CATSPERB: variants seen among roughly 807,000 people sequenced by gnomAD.
CATSPERB encodes the protein catsper channel auxiliary subunit beta, also known as cation channel sperm-associated auxiliary subunit beta.
Under a neutral mutation model 128.3 loss-of-function variants are expected in CATSPERB, and 93 were observed. The ratio of observed to expected loss-of-function variants is 0.72; its 90% CI spans 0.61 to 0.86. The LOEUF (loss-of-function observed/expected upper bound fraction) is 0.86. Ranked by LOEUF, CATSPERB falls within the 40% of genes least tolerant of loss-of-function variation. The pLI is 0.00. For synonymous variants in CATSPERB, 381 were observed against 448.8 expected (o/e 0.85, Z 1.91); for missense variants, 1,153 against 1,329.5 (o/e 0.87, Z 2.06).
intron 20 of CATSPERB, among the ~76,000 whole-genome samples, chr14:91,612,357 C>T (rs183074187): frequency 6.6e-6 from 1 of 152,212 alleles, no homozygotes; most frequent in East Asian, 1.9e-4. Context: ...CGCTGTGTTG[C>T]CTAGGCTGGT....
chr14:91,587,413 G>A (rs879163098), intron 25 of CATSPERB, 137 bp from the exon 26 acceptor site: 13 of 433,828 alleles, frequency 3.0e-5, no homozygotes, highest in South Asian at 1.4e-4. Flanking sequence ...TAAGGCTCTC[G>A]GACATACACA....
intron 5 of CATSPERB, among the ~76,000 whole-genome samples, chr14:91,718,535 A>G (rs565294970): frequency 7.2e-5 from 11 of 152,302 alleles, no homozygotes; most frequent in Admixed American, 7.2e-4. Flanking sequence ...TGGATCAACA[A>G]TGGGTCAACT....
At chr14:91,706,442 GTA>G (rs1344613374) in intron 6 of CATSPERB, among the ~76,000 whole-genome samples, 1 of 152,190 alleles carries the variant, frequency 6.6e-6, no homozygotes, top group Non-Finnish European at 1.5e-5. Context: ...AAGTCAGGTA[GTA>G]TATCTTAAGC....
intron 11 of CATSPERB, among the ~76,000 whole-genome samples, chr14:91,676,565 T>A (rs893873618): frequency 6.6e-6 from 1 of 152,150 alleles, no homozygotes; most frequent in South Asian, 2.1e-4. Context: ...TTGAATCTGC[T>A]TTTACTAAGC....
Position 91,659,724 on chromosome 14 carries a change from C to T in CATSPERB, c.1432+113G>A, listed in dbSNP as rs556693939. ...TTCTGTAGATCCTACAAATCCATCACCCCTAATAGTTTTGAGGTCTTAGGA... is the reference window on the plus strand; with the variant it reads ...TTCTGTAGATCCTACAAATCCATCATCCCTAATAGTTTTGAGGTCTTAGGA... On this transcript the variant is annotated intron_variant, in intron 15 of 26. Transcript: ENST00000256343. 6.5e-5 allele frequency: 65 copies of T among 996,280 alleles called. No homozygotes were observed. The East Asian group carries it at 1.6e-3, about 25-fold the overall frequency. 61.7% of individuals were successfully genotyped at this position (996,280 alleles called of 1,614,324 possible). A position where few individuals can be genotyped will look rare whatever the true frequency, so the allele number is the denominator to read the frequency against.
At chr14:91,599,127 T>A (rs1281825713) in intron 22 of CATSPERB, among the ~76,000 whole-genome samples, 3 of 152,092 alleles carry the variant, frequency 2.0e-5, no homozygotes, top group Non-Finnish European at 2.9e-5. Context: ...ATTGGTTTGA[T>A]CCATAAAGTT....
At chr14:91,722,590 T>G (rs1269655382) in intron 4 of CATSPERB, among the ~76,000 whole-genome samples, 1 of 152,194 alleles carries the variant, frequency 6.6e-6, no homozygotes, top group African/African-American at 2.4e-5. Context: ...TAGTGATGGT[T>G]GCACAACTCT....
chr14:91,699,996 C>T (rs1016597312), intron 7 of CATSPERB, among the ~76,000 whole-genome samples: 1 of 151,396 alleles, frequency 6.6e-6, no homozygotes, highest in African/African-American at 2.4e-5. Context: ...AGGTTTTTTG[C>T]ATAGGTGTAC....
intron 6 of CATSPERB, among the ~76,000 whole-genome samples, chr14:91,707,193 A>G (rs941922089): frequency 1.9e-4 from 29 of 152,158 alleles, no homozygotes; most frequent in African/African-American, 6.5e-4. Flanking sequence ...CAGCAACACT[A>G]GTCTCCCTTT....
intron 11 of CATSPERB, among the ~76,000 whole-genome samples, chr14:91,675,992 T>A (rs1456254499): frequency 1.3e-5 from 2 of 152,198 alleles, no homozygotes; most frequent in East Asian, 3.9e-4. Context: ...CAGTCCCAAC[T>A]CCAATTCTTT....
intron 11 of CATSPERB, among the ~76,000 whole-genome samples, chr14:91,678,007 C>A (rs1253022503): frequency 6.6e-6 from 1 of 152,114 alleles, no homozygotes; most frequent in African/African-American, 2.4e-5. Flanking sequence ...TGTTCTTACT[C>A]ATAAGTGGGA....
intron 20 of CATSPERB, among the ~76,000 whole-genome samples, chr14:91,616,161 G>T (rs1160011207): frequency 6.6e-6 from 1 of 152,112 alleles, no homozygotes; most frequent in African/African-American, 2.4e-5. Flanking sequence ...GATTGCAGGC[G>T]TGAGCCACTG....
intron 17 of CATSPERB, among the ~76,000 whole-genome samples, chr14:91,635,205 C>A (rs1894350445): frequency 1.3e-5 from 2 of 152,080 alleles, no homozygotes; most frequent in Admixed American, 1.3e-4. Flanking sequence ...GGCCCCACCT[C>A]CTAATACTAC....
At chr14:91,726,210 A>G (rs192115205) in intron 2 of CATSPERB, among the ~76,000 whole-genome samples, 2 of 152,224 alleles carry the variant, frequency 1.3e-5, no homozygotes, top group Admixed American at 6.5e-5. Flanking sequence ...CTGAGCTGGT[A>G]AACACTTAAA....
intron 20 of CATSPERB, among the ~76,000 whole-genome samples, chr14:91,611,199 T>C (rs1314621104): frequency 1.3e-5 from 2 of 152,222 alleles, no homozygotes; most frequent in Non-Finnish European, 2.9e-5. Flanking sequence ...GAAAAATATT[T>C]GACCATAAAG....
chr14:91,691,245 C>G (rs61642349), intron 10 of CATSPERB, among the ~76,000 whole-genome samples: 25,403 of 152,070 alleles, frequency 0.17, 2,799 homozygotes, highest in South Asian at 0.4. Flanking sequence ...CTGGACATAG[C>G]ATAGGAAACG....
At chr14:91,587,143 G>T in intron 26 of CATSPERB, 59 bp downstream of exon 26, 3 of 1,371,754 alleles carry the variant, frequency 2.2e-6, no homozygotes, top group Non-Finnish European at 2.0e-6. Context: ...TCTTGAATTG[G>T]TTTTGTCATG....
chr14:91,625,343 T>A (rs1894139271), intron 17 of CATSPERB, among the ~76,000 whole-genome samples: 1 of 152,162 alleles, frequency 6.6e-6, no homozygotes, highest in African/African-American at 2.4e-5. Context: ...CGTGCTAACC[T>A]TTTCCCTGCT....
At position 91,645,778 on chromosome 14, in the gene CATSPERB, T is replaced by G. The variant is rs1239688184; in HGVS notation, c.1433-6528A>C. Among the ~76,000 whole-genome samples the G allele has an allele frequency of 6.1e-5, 9 of 147,236 alleles. No individual in the cohort carries two copies. The East Asian group carries it at 1.6e-3, about 27-fold the overall frequency. Reference sequence around the variant, plus strand: ...GCTGCTTTGTTTACCTAAGCAAGCCTGGGCAATGGTGGGCGCCCCTCCCCC... The same window carrying G: ...GCTGCTTTGTTTACCTAAGCAAGCCGGGGCAATGGTGGGCGCCCCTCCCCC... On this transcript the variant is annotated intron_variant, in intron 15 of 26. Coordinates refer to ENST00000256343, the MANE Select transcript of CATSPERB (RefSeq NM_024764.4).
Sources: allele counts gnomAD v4.1 joint callset (sites outside exome capture counted in the v4.1 genomes callset), GRCh38; gene constraint gnomAD v4.1.1; transcripts MANE v1.5; gene names NCBI Gene and HGNC (gene_info 2026-07-23, HGNC 2026-07-21).